PDE4D: variants seen among roughly 807,000 people sequenced by gnomAD.
PDE4D encodes phosphodiesterase 4D.
Under a neutral mutation model 87.4 loss-of-function variants are expected in PDE4D, and 24 were observed. That is an observed-to-expected ratio of 0.27 (90% CI 0.20 to 0.39). The LOEUF is 0.39. PDE4D is among the 10% of genes least tolerant of loss of function. PDE4D has a pLI of 1.00. For synonymous variants in PDE4D, 384 were observed against 383.2 expected (o/e 1.00, Z -0.02); for missense variants, 714 against 1,041.0 (o/e 0.69, Z 4.32).
At chr5:60,207,424 A>T (rs1316173910) in intron 1 of PDE4D, among the ~76,000 whole-genome samples, 1 of 152,242 alleles carries the variant, frequency 6.6e-6, no homozygotes, top group Non-Finnish European at 1.5e-5. Flanking sequence ...TAAGACGAAT[A>T]TTCAGCTAAC....
intron 3 of PDE4D, among the ~76,000 whole-genome samples, chr5:59,914,866 GGTGTGTGTGTGTGTGTGTGTGTGT>G (rs3062699): frequency 3.3e-5 from 4 of 122,542 alleles, no homozygotes; most frequent in Admixed American, 1.7e-4. Context: ...TACTGATAGG[GGTGTGTGTGTGTGTGTGTGTGTGT>G]GTGTGTGTGT....
intron 2 of PDE4D, among the ~76,000 whole-genome samples, chr5:59,206,275 T>C (rs1240299772): frequency 2.0e-5 from 3 of 152,204 alleles, no homozygotes; most frequent in African/African-American, 4.8e-5. Flanking sequence ...TACTTGGTTT[T>C]CTAAAGAAAA....
At chr5:59,932,157 T>C (rs1469370055) in intron 3 of PDE4D, among the ~76,000 whole-genome samples, 1 of 152,218 alleles carries the variant, frequency 6.6e-6, no homozygotes, top group Non-Finnish European at 1.5e-5. Context: ...GTTAAAAGCA[T>C]AGCCATCACG....
At position 60,313,087 on chromosome 5, in the gene PDE4D, G is replaced by A. The variant is rs778541007; in HGVS notation, c.-89-127400C>T. On this transcript the variant is annotated intron_variant, in intron 1 of 16. Transcript: ENST00000502484. ...AAATAACCAAAATCAGAACAGAATT[G>A]AATGAAATTGAAATGCAAAACAAAA... 2.2e-4 allele frequency among the ~76,000 whole-genome samples: 34 copies of A among 151,750 alleles called. 2 individuals are homozygous for A. In the South Asian group the frequency reaches 6.7e-3, roughly 30 times the overall value.
At chr5:59,921,235 A>G (rs1479498111) in intron 3 of PDE4D, among the ~76,000 whole-genome samples, 7 of 152,194 alleles carry the variant, frequency 4.6e-5, no homozygotes, top group Non-Finnish European at 4.4e-5. Context: ...AAAATATAAC[A>G]TGTCTAATGT....
chr5:60,269,884 C>G (rs1462311522), intron 1 of PDE4D, among the ~76,000 whole-genome samples: 2 of 152,048 alleles, frequency 1.3e-5, no homozygotes, highest in Non-Finnish European at 2.9e-5. Context: ...AGAGCAAAAT[C>G]AATATTTATC....
intron 2 of PDE4D, among the ~76,000 whole-genome samples, chr5:59,201,124 T>C (rs1747256595): frequency 6.6e-6 from 1 of 152,096 alleles, no homozygotes; most frequent in African/African-American, 2.4e-5. Flanking sequence ...AAAATAATCA[T>C]ATGGGTTTTT....
At chr5:59,102,478 A>T (rs912510114) in intron 5 of PDE4D, among the ~76,000 whole-genome samples, 1 of 152,184 alleles carries the variant, frequency 6.6e-6, no homozygotes, top group Non-Finnish European at 1.5e-5. Flanking sequence ...TAGTTTTAAT[A>T]AATCAAATAC....
intron 1 of PDE4D, among the ~76,000 whole-genome samples, chr5:59,402,233 A>T (rs541519571): frequency 2.0e-5 from 3 of 152,296 alleles, no homozygotes; most frequent in Non-Finnish European, 4.4e-5. Context: ...TGATAGAGTG[A>T]CCTCTTTTCA....
intron 1 of PDE4D, among the ~76,000 whole-genome samples, chr5:59,818,860 A>T (rs1482509773): frequency 6.9e-5 from 9 of 131,004 alleles, no homozygotes. Context: ...GAGCAAAAAA[A>T]AAAAGTAGAT....
At chr5:60,324,915 G>C (rs1756643388) in intron 1 of PDE4D, among the ~76,000 whole-genome samples, 1 of 152,096 alleles carries the variant, frequency 6.6e-6, no homozygotes, top group East Asian at 1.9e-4. Flanking sequence ...TTTCTAAAGA[G>C]ATCTTATTCA....
At chr5:59,243,446 AC>A (rs1758093126) in intron 1 of PDE4D, among the ~76,000 whole-genome samples, 3 of 131,588 alleles carry the variant, frequency 2.3e-5, no homozygotes, top group South Asian at 2.3e-4. Context: ...TCTTAAAATA[AC>A]CTTTTTTTTT....
intron 2 of PDE4D, among the ~76,000 whole-genome samples, chr5:60,145,562 T>C (rs936565403): frequency 2.6e-5 from 4 of 152,238 alleles, no homozygotes; most frequent in Non-Finnish European, 5.9e-5. Flanking sequence ...TTTCAGTTGA[T>C]AAGTTTCACA....
At chr5:59,773,296 ATC>A (rs1561641057) in intron 1 of PDE4D, among the ~76,000 whole-genome samples, 1 of 152,100 alleles carries the variant, frequency 6.6e-6, no homozygotes, top group African/African-American at 2.4e-5. Context: ...TGGGATTTAA[ATC>A]TGTGTCTATG....
intron 1 of PDE4D, chr5:60,334,942 C>A (rs1757613832): frequency 6.6e-6 from 1 of 152,128 alleles, no homozygotes; most frequent in Non-Finnish European, 1.5e-5. Context: ...TAATGATAGT[C>A]TGAAAACAGC....
At chr5:59,095,988 T>C (rs1369870097) in intron 5 of PDE4D, among the ~76,000 whole-genome samples, 18 of 152,156 alleles carry the variant, frequency 1.2e-4, no homozygotes. Context: ...CTGTGTACCA[T>C]GTACAAAGCC....
At chr5:59,533,588 A>C (rs1017675386) in intron 1 of PDE4D, among the ~76,000 whole-genome samples, 3 of 152,234 alleles carry the variant, frequency 2.0e-5, no homozygotes, top group Non-Finnish European at 4.4e-5. Flanking sequence ...ATTGTTAGTC[A>C]ACAGATATGC....
chr5:60,167,842 A>T lies in PDE4D; in HGVS notation c.42+17715T>A, dbSNP rs1405207168. Among the ~76,000 whole-genome samples, 4 of 152,228 alleles carry T rather than the reference A, an allele frequency of 2.6e-5. No individual in the cohort carries two copies. The East Asian group carries it at 7.7e-4, about 29-fold the overall frequency. On this transcript the variant is annotated intron_variant, in intron 2 of 16. Transcript: ENST00000502484. Reference sequence around the variant, plus strand: ...CTTTAAGGTCAATCACTGGTGCTTTATTCTGTCCATTTGGTGTCATCATGT... The same window carrying T: ...CTTTAAGGTCAATCACTGGTGCTTTTTTCTGTCCATTTGGTGTCATCATGT...
intron 2 of PDE4D, among the ~76,000 whole-genome samples, chr5:60,170,692 A>G (rs1201604353): frequency 1.3e-5 from 2 of 151,998 alleles, no homozygotes; most frequent in African/African-American, 2.4e-5. Context: ...ATGAAGAGAA[A>G]CACGATAATG....
Sources: gnomAD v4.1 joint callset for allele counts (sites outside exome capture counted in the v4.1 genomes callset) on GRCh38, gnomAD v4.1.1 for gene constraint, MANE v1.5 for transcripts, NCBI Gene and HGNC (gene_info 2026-07-23, HGNC 2026-07-21) for gene names.